Variants in ARK2N observed in about 807,000 individuals in gnomAD.
ARK2N encodes the protein protein ARK2N.
the ARK2N span, chr18:46,215,915 A>T: frequency 1.2e-6 from 2 of 1,613,720 alleles, no homozygotes; most frequent in Non-Finnish European, 1.7e-6. Context: ...AAAGTTGAAG[A>T]ACTCATTGAG....
the ARK2N span, among the ~76,000 whole-genome samples, chr18:46,234,399 A>G: frequency 1.3e-5 from 2 of 152,000 alleles, no homozygotes; most frequent in South Asian, 2.1e-4. Context: ...GGGTTTCACT[A>G]TGTTGCCCAG....
the ARK2N span, chr18:46,232,105 A>G: frequency 6.6e-6 from 1 of 152,216 alleles, no homozygotes; most frequent in Non-Finnish European, 1.5e-5. Flanking sequence ...TGTTAATGAA[A>G]GAAACAATAT....
the ARK2N span, among the ~76,000 whole-genome samples, chr18:46,241,718 G>C: frequency 6.6e-6 from 1 of 151,828 alleles, no homozygotes; most frequent in African/African-American, 2.4e-5. Flanking sequence ...AAACTAGACT[G>C]TATCCCCCCA....
chr18:46,175,153 A>G, the ARK2N span, among the ~76,000 whole-genome samples: 2 of 121,488 alleles, frequency 1.6e-5, no homozygotes, highest in African/African-American at 6.5e-5. Context: ...CCCCCATCAC[A>G]AAATTGATGC....
chr18:46,179,486 C>T, the ARK2N span, among the ~76,000 whole-genome samples: 1,407 of 152,148 alleles, frequency 9.2e-3, 30 homozygotes, highest in African/African-American at 0.033. Flanking sequence ...TTTTTTACTT[C>T]TGTGTGGGCA....
the ARK2N span, among the ~76,000 whole-genome samples, chr18:46,260,479 C>A: frequency 6.7e-6 from 1 of 148,700 alleles, no homozygotes; most frequent in Non-Finnish European, 1.5e-5. Flanking sequence ...CAGTGTCCTA[C>A]TAATAAATTC....
chr18:46,176,037 T>A, the ARK2N span, among the ~76,000 whole-genome samples: 1 of 152,216 alleles, frequency 6.6e-6, no homozygotes, highest in Non-Finnish European at 1.5e-5. Context: ...AATTCAGCTT[T>A]AGGTTCTAAT....
At chr18:46,186,498 A>ATTTTT in the ARK2N span, among the ~76,000 whole-genome samples, 9 of 81,872 alleles carry the variant, frequency 1.1e-4, no homozygotes, top group African/African-American at 1.7e-4. Context: ...CCAACTGGTG[A>ATTTTT]TTTTTTTTTT....
the ARK2N span, among the ~76,000 whole-genome samples, chr18:46,193,756 G>A: frequency 2.7e-5 from 4 of 150,696 alleles, no homozygotes; most frequent in African/African-American, 4.9e-5. Flanking sequence ...ATGCCAACAC[G>A]CCTGGCTGAT....
At chr18:46,255,445 C>CTTTTCTTTTTTTTTTTTTTTTTT in the ARK2N span, among the ~76,000 whole-genome samples, 1 of 77,742 alleles carries the variant, frequency 1.3e-5, no homozygotes, top group African/African-American at 6.1e-5. Flanking sequence ...CTTTTCTTTT[C>CTTTTCTTTTTTTTTTTTTTTTTT]TTTTTTTTTT....
At chr18:46,195,692 T>C in the ARK2N span, among the ~76,000 whole-genome samples, 3 of 150,112 alleles carry the variant, frequency 2.0e-5, no homozygotes, top group Non-Finnish European at 4.4e-5. Context: ...TCCTCCTCCT[T>C]AGCCTCCAAA....
chr18:46,256,305 C>T, the ARK2N span, among the ~76,000 whole-genome samples: 4 of 152,168 alleles, frequency 2.6e-5, no homozygotes, highest in African/African-American at 4.8e-5. Context: ...ATTTCTAACT[C>T]GTCTCCCTTT....
chr18:46,262,056 T>G, the ARK2N span, among the ~76,000 whole-genome samples: 56 of 152,332 alleles, frequency 3.7e-4, no homozygotes, highest in African/African-American at 1.3e-3. Flanking sequence ...TCACATAAGC[T>G]ACCTGAGGGC....
chr18:46,195,111 T>A, the ARK2N span, among the ~76,000 whole-genome samples: 6 of 151,636 alleles, frequency 4.0e-5, no homozygotes, highest in Admixed American at 2.6e-4. Context: ...CTCAAATATA[T>A]TTTCAAAGAC....
chr18:46,204,692 AAT>A, the ARK2N span, among the ~76,000 whole-genome samples: 1 of 152,184 alleles, frequency 6.6e-6, no homozygotes, highest in Non-Finnish European at 1.5e-5. Flanking sequence ...TAGCAGTTAG[AAT>A]ACCCTATTTT....
At chr18:46,215,638 C>T in the ARK2N span, among the ~76,000 whole-genome samples, 20 of 151,982 alleles carry the variant, frequency 1.3e-4, no homozygotes, top group African/African-American at 4.1e-4. Flanking sequence ...AGATTTTGAC[C>T]GTATTAAGTC....
the ARK2N span, among the ~76,000 whole-genome samples, chr18:46,202,801 TTA>T: frequency 3.0e-5 from 3 of 100,238 alleles, no homozygotes; most frequent in Non-Finnish European, 4.3e-5. Flanking sequence ...AAAATAAAAA[TTA>T]AAAAAAAAAA....
the ARK2N span, among the ~76,000 whole-genome samples, chr18:46,204,056 A>G: frequency 3.3e-5 from 5 of 151,716 alleles, no homozygotes; most frequent in African/African-American, 1.2e-4. Context: ...ATAGACCTGC[A>G]TGGAAGGTTG....
the ARK2N span, chr18:46,216,441 G>A: frequency 3.1e-6 from 5 of 1,614,118 alleles, no homozygotes; most frequent in South Asian, 1.1e-5. This position sits in a 1 kb window ranked among gnomAD's most constrained non-coding sequence, Gnocchi z 4.3. Context: ...GGCTACTGAG[G>A]CAGAAACGGG....
Sources: allele counts gnomAD v4.1 joint callset (sites outside exome capture counted in the v4.1 genomes callset), GRCh38; gene constraint gnomAD v4.1.1; non-coding constraint Gnocchi (gnomAD v3.1); transcripts MANE v1.5; gene names NCBI Gene and HGNC (gene_info 2026-07-23, HGNC 2026-07-21).